Variants in CXCL13 observed in about 807,000 individuals in gnomAD.
The protein encoded by CXCL13 is C-X-C motif chemokine 13.
A neutral mutation model predicts 12.2 loss-of-function variants in CXCL13; 7 were observed. That is an observed-to-expected ratio of 0.57 (90% confidence interval 0.33 to 1.07). CXCL13 has a LOEUF of 1.07. Among genes scored for constraint, CXCL13 ranks in the 50% least tolerant of loss-of-function variants. The pLI is 0.04. For synonymous variants in CXCL13, 47 were observed against 42.4 expected (o/e 1.11, Z -0.42); for missense variants, 113 against 127.4 (o/e 0.89, Z 0.55).
intron 1 of CXCL13, among the ~76,000 whole-genome samples, chr4:77,532,558 C>T (rs913762975): frequency 3.3e-5 from 5 of 152,048 alleles, no homozygotes; most frequent in East Asian, 3.9e-4. Flanking sequence ...ATCTTTGTGG[C>T]GTTCTCCGTA....
intron 1 of CXCL13, among the ~76,000 whole-genome samples, chr4:77,521,214 G>A (rs1055502089): frequency 1.3e-5 from 2 of 152,174 alleles, no homozygotes; most frequent in Non-Finnish European, 2.9e-5. Flanking sequence ...TTTGGTATCA[G>A]GATGATGCTG....
chr4:77,526,692 G>C (rs1724774929), intron 1 of CXCL13, among the ~76,000 whole-genome samples: 1 of 152,124 alleles, frequency 6.6e-6, no homozygotes, highest in South Asian at 2.1e-4. Context: ...TGTAAGCAAA[G>C]ACAGTGACAA....
At chr4:77,539,971 C>A (rs1725161157) in intron 1 of CXCL13, among the ~76,000 whole-genome samples, 1 of 152,042 alleles carries the variant, frequency 6.6e-6, no homozygotes, top group African/African-American at 2.4e-5. Flanking sequence ...TTGTCCTTGA[C>A]CATTGGGTCA....
intron 1 of CXCL13, among the ~76,000 whole-genome samples, chr4:77,545,724 T>C (rs1394541637): frequency 2.0e-5 from 3 of 152,288 alleles, no homozygotes; most frequent in South Asian, 2.1e-4. Context: ...CTTTTCCTAA[T>C]TGAATACCCT....
rs372484797 is a variant in CXCL13, at chr4:77,595,733, T to TA, written c.-42-10090dup. On this transcript the variant is annotated intron_variant, in intron 1 of 4. Coordinates refer to the CXCL13 transcript ENST00000286758. ...TGGCGATTTTTTGCTCTAGCCTTCT[T>TA]ATCAAAAGCATCACTGCTGTCCTGT... Among the ~76,000 whole-genome samples the TA allele has an allele frequency of 7.7e-4, 118 of 152,324 alleles. 2 individuals are homozygous for TA. Among genetic ancestry groups the TA allele is most frequent in the African/African-American group, 2.8e-3 (115 of 41,576 alleles).
intron 1 of CXCL13, among the ~76,000 whole-genome samples, chr4:77,534,384 C>G (rs1725008160): frequency 6.6e-6 from 1 of 152,178 alleles, no homozygotes; most frequent in Admixed American, 6.5e-5. Flanking sequence ...AATGGCACAT[C>G]ATACATGAAA....
intron 1 of CXCL13, among the ~76,000 whole-genome samples, chr4:77,592,025 C>T (rs745648031): frequency 6.6e-6 from 1 of 152,174 alleles, no homozygotes; most frequent in African/African-American, 2.4e-5. Context: ...TTTCTGGCCA[C>T]CTTGATCAGA....
intron 1 of CXCL13, among the ~76,000 whole-genome samples, chr4:77,559,652 G>A (rs1269213749): frequency 6.6e-6 from 1 of 152,088 alleles, no homozygotes; most frequent in Non-Finnish European, 1.5e-5. Flanking sequence ...GCCAGGCGCA[G>A]TGGCTCACAC....
chr4:77,523,931 T>C (rs1416215478), intron 1 of CXCL13, among the ~76,000 whole-genome samples: 7 of 152,214 alleles, frequency 4.6e-5, no homozygotes, highest in Non-Finnish European at 1.0e-4. Flanking sequence ...ATGCTATTCC[T>C]TTCTGTTTGT....
chr4:77,591,831 A>G (rs576034519), intron 1 of CXCL13, among the ~76,000 whole-genome samples: 2 of 152,346 alleles, frequency 1.3e-5, no homozygotes, highest in African/African-American at 4.8e-5. Context: ...TCACTGTGCA[A>G]CTAACATCCA....
At chr4:77,543,963 G>A (rs1364594520) in intron 1 of CXCL13, among the ~76,000 whole-genome samples, 6 of 152,060 alleles carry the variant, frequency 3.9e-5, no homozygotes, top group Non-Finnish European at 8.8e-5. Context: ...TGTTCTCATT[G>A]TTTAATTCCC....
At position 77,607,954 on chromosome 4, in the gene CXCL13, A is replaced by T. The variant is rs544901628; in HGVS notation, c.197+119A>T. ...GAGATTTACTTGAGTGTTGCTAAAA[A>T]TTCTCAAACTAATAATGAAAATTGT... On this transcript the variant is annotated intron_variant, in intron 2 of 3. Coordinates refer to ENST00000682537, the MANE Select transcript of CXCL13 (RefSeq NM_001371558.1). 232 of 1,021,562 alleles carry T rather than the reference A, an allele frequency of 2.3e-4. No individual in the cohort carries two copies. In the South Asian group the frequency reaches 3.2e-3, roughly 14 times the overall value. 63.3% of individuals were successfully genotyped at this position (1,021,562 alleles called of 1,614,324 possible).
intron 1 of CXCL13, among the ~76,000 whole-genome samples, chr4:77,575,029 G>A (rs1726171016): frequency 1.3e-5 from 2 of 151,870 alleles, no homozygotes; most frequent in East Asian, 1.9e-4. Context: ...TGAAAATATT[G>A]TAAAAATTAG....
intron 1 of CXCL13, among the ~76,000 whole-genome samples, chr4:77,606,895 A>C (rs1335086035): frequency 6.6e-6 from 1 of 152,336 alleles, no homozygotes; most frequent in East Asian, 1.9e-4. Flanking sequence ...ATTTCATTAG[A>C]TCCCATTAAA....
At chr4:77,551,791 C>G (rs568557286) in intron 1 of CXCL13, among the ~76,000 whole-genome samples, 2 of 151,880 alleles carry the variant, frequency 1.3e-5, no homozygotes, top group Non-Finnish European at 2.9e-5. Flanking sequence ...TTTTTAAATT[C>G]TTTTTTCTGT....
chr4:77,567,854 C>T (rs1399306717), intron 1 of CXCL13, among the ~76,000 whole-genome samples: 1 of 152,208 alleles, frequency 6.6e-6, no homozygotes, highest in Non-Finnish European at 1.5e-5. Flanking sequence ...CATGAAAATC[C>T]ACCCCTTGTT....
chr4:77,598,377 T>C (rs1726813374), intron 1 of CXCL13, among the ~76,000 whole-genome samples: 1 of 152,148 alleles, frequency 6.6e-6, no homozygotes, highest in South Asian at 2.1e-4. Context: ...CCATGAAAGA[T>C]AACCATTCCA....
chr4:77,531,982 C>G (rs1228803183), intron 1 of CXCL13, among the ~76,000 whole-genome samples: 1 of 152,086 alleles, frequency 6.6e-6, no homozygotes, highest in Non-Finnish European at 1.5e-5. Flanking sequence ...CACACTGACG[C>G]GTCTTGACTC....
At chr4:77,595,395 C>G (rs1239240954) in intron 1 of CXCL13, among the ~76,000 whole-genome samples, 1 of 152,180 alleles carries the variant, frequency 6.6e-6, no homozygotes, top group Non-Finnish European at 1.5e-5. Context: ...GTACCACAGA[C>G]CACATCTTTT....
Sources: allele counts gnomAD v4.1 joint callset (sites outside exome capture counted in the v4.1 genomes callset), GRCh38; gene constraint gnomAD v4.1.1; transcripts MANE v1.5; gene names NCBI Gene and HGNC (gene_info 2026-07-23, HGNC 2026-07-21).